GPHN: variants seen among roughly 807,000 people sequenced by gnomAD.
The protein encoded by GPHN is gephyrin.
In GPHN, 17 loss-of-function variants were observed where a neutral mutation model predicts 95.5. The ratio of observed to expected loss-of-function variants is 0.18; its 90% CI spans 0.12 to 0.27. The LOEUF (loss-of-function observed/expected upper bound fraction) is 0.27, where lower values mean the gene tolerates loss of function less well. GPHN is among the 10% of genes least tolerant of loss of function. The probability of loss-of-function intolerance (pLI) is 1.00; values close to 1 mark genes in which losing one functional copy is unlikely to be tolerated. For synonymous variants in GPHN, 320 were observed against 322.5 expected (o/e 0.99, Z 0.08); for missense variants, 660 against 978.1 (o/e 0.67, Z 4.34).
At chr14:67,651,616 G>T in the GPHN span, 2 of 924,086 alleles carry the variant, frequency 2.2e-6, no homozygotes, top group Non-Finnish European at 3.2e-6. Flanking sequence ...TTAGCAGGAA[G>T]TACTCATAAG....
chr14:67,449,163 T>G, the GPHN span, among the ~76,000 whole-genome samples: 2 of 152,348 alleles, frequency 1.3e-5, no homozygotes, highest in African/African-American at 4.8e-5. Flanking sequence ...ATTTTTGGAC[T>G]GCTTGTTCTA....
the GPHN span, among the ~76,000 whole-genome samples, chr14:67,617,627 C>T: frequency 6.6e-6 from 1 of 152,136 alleles, no homozygotes; most frequent in Admixed American, 6.5e-5. Flanking sequence ...AGTGGAAAAC[C>T]ACTGAAAATG....
At chr14:67,184,747 C>T (rs2083360309), downstream of GPHN, among the ~76,000 whole-genome samples, 1 of 152,126 alleles carries the variant, frequency 6.6e-6, no homozygotes, top group South Asian at 2.1e-4. Context: ...AGAAGAGTTA[C>T]TGACTGGATA....
chr14:66,600,994 C>T (rs754636297), intron 1 of GPHN, among the ~76,000 whole-genome samples: 1 of 151,868 alleles, frequency 6.6e-6, no homozygotes, highest in African/African-American at 2.4e-5. Flanking sequence ...GAGGATTGAT[C>T]GTATTTCTTT....
chr14:67,594,955 G>A, the GPHN span, among the ~76,000 whole-genome samples: 1 of 151,876 alleles, frequency 6.6e-6, no homozygotes, highest in East Asian at 1.9e-4. Context: ...CGAGACCACG[G>A]TGAAACCCCG....
At chr14:67,506,781 C>T in the GPHN span, among the ~76,000 whole-genome samples, 3 of 152,100 alleles carry the variant, frequency 2.0e-5, no homozygotes, top group Non-Finnish European at 4.4e-5. Context: ...GTAAAGAGAT[C>T]GAGACCATCC....
intron 2 of GPHN, among the ~76,000 whole-genome samples, chr14:66,745,127 T>A (rs1320757598): frequency 6.6e-6 from 1 of 152,148 alleles, no homozygotes; most frequent in Non-Finnish European, 1.5e-5. Context: ...TTTCACCTTT[T>A]GCTGCTATTG....
chr14:67,076,228 T>A (rs1271660954), intron 11 of GPHN, among the ~76,000 whole-genome samples: 1 of 152,192 alleles, frequency 6.6e-6, no homozygotes, highest in Non-Finnish European at 1.5e-5. Context: ...CTCAGATAAT[T>A]GTTAGCATTT....
At chr14:67,298,794 A>G in the GPHN span, among the ~76,000 whole-genome samples, 6 of 152,306 alleles carry the variant, frequency 3.9e-5, no homozygotes, top group African/African-American at 1.4e-4. Context: ...CACTCCACAG[A>G]GCTTCTCTCC....
chr14:67,406,476 T>A, the GPHN span, among the ~76,000 whole-genome samples: 1 of 151,900 alleles, frequency 6.6e-6, no homozygotes, highest in Non-Finnish European at 1.5e-5. Flanking sequence ...CCCTGCCACT[T>A]TGGGGAGACT....
chr14:66,628,557 A>G (rs1473278076), intron 1 of GPHN, among the ~76,000 whole-genome samples: 3 of 152,152 alleles, frequency 2.0e-5, no homozygotes, highest in Non-Finnish European at 4.4e-5. Flanking sequence ...CGGGTAGGTG[A>G]GTGAGTGAAT....
intron 4 of GPHN, among the ~76,000 whole-genome samples, chr14:66,878,606 T>G (rs2063781688): frequency 6.6e-6 from 1 of 152,098 alleles, no homozygotes; most frequent in Non-Finnish European, 1.5e-5. Context: ...AACAAACATA[T>G]GTAAAAAAGC....
the GPHN span, among the ~76,000 whole-genome samples, chr14:67,433,864 C>T: frequency 6.6e-6 from 1 of 152,048 alleles, no homozygotes; most frequent in African/African-American, 2.4e-5. Context: ...TCATAAAAAG[C>T]CAGAGAAAAT....
intron 2 of GPHN, among the ~76,000 whole-genome samples, chr14:66,725,261 T>C (rs1379154237): frequency 6.6e-6 from 1 of 152,186 alleles, no homozygotes; most frequent in Non-Finnish European, 1.5e-5. Flanking sequence ...CCTACCTGAT[T>C]AACACATCTG....
chr14:66,524,861 G>A (rs965291537), intron 1 of GPHN, among the ~76,000 whole-genome samples: 6 of 152,042 alleles, frequency 3.9e-5, no homozygotes, highest in East Asian at 1.9e-4. Context: ...ATATTCTACC[G>A]TGTATATGTG....
chr14:67,256,706 CCTGA>C, the GPHN span, among the ~76,000 whole-genome samples: 1 of 151,762 alleles, frequency 6.6e-6, no homozygotes, highest in Non-Finnish European at 1.5e-5. Context: ...TGCCACCACA[CCTGA>C]CTAATTTTTG....
chr14:66,752,114 C>A (rs2058388658), intron 2 of GPHN, among the ~76,000 whole-genome samples: 1 of 152,064 alleles, frequency 6.6e-6, no homozygotes, highest in Non-Finnish European at 1.5e-5. Flanking sequence ...CCTCTCTCAG[C>A]CTTCATAGAA....
At position 67,063,713 on chromosome 14, in the gene GPHN, C is replaced by T. The variant is rs201209318; in HGVS notation, c.1144+4927C>T. Among the ~76,000 whole-genome samples, 4 of 152,014 alleles carry T rather than the reference C, an allele frequency of 2.6e-5. No individual in the cohort carries two copies. The East Asian group carries it at 5.8e-4, about 22-fold the overall frequency. On this transcript the variant is annotated intron_variant, in intron 11 of 22. Transcript: ENST00000478722. ...TATCAATTGTGAATGGGAGTTCACT[C>T]GTGATTTGGCTCTCCATGTGTCTGT... is the stretch of plus-strand genomic sequence containing the variant.
chr14:67,065,757 C>CTT (rs201638278), intron 11 of GPHN, among the ~76,000 whole-genome samples: 6,657 of 128,354 alleles, frequency 0.052, 185 homozygotes, highest in Non-Finnish European at 0.064. Context: ...GCAACCCCTG[C>CTT]TTTTTTTTTT....
Sources: allele counts gnomAD v4.1 joint callset (sites outside exome capture counted in the v4.1 genomes callset), GRCh38; gene constraint gnomAD v4.1.1; transcripts MANE v1.5; gene names NCBI Gene and HGNC (gene_info 2026-07-23, HGNC 2026-07-21).